Variants in SOS1 observed in about 807,000 individuals in gnomAD.
SOS1 encodes SOS Ras/Rac guanine nucleotide exchange factor 1, also known as son of sevenless homolog 1.
Under a neutral mutation model 157.6 loss-of-function variants are expected in SOS1, and 25 were observed. The observed-to-expected ratio is 0.16, with a 90% CI of 0.12 to 0.22. SOS1 has a LOEUF of 0.22. Ranked by LOEUF, SOS1 falls within the 10% of genes least tolerant of loss-of-function variation. The pLI is 1.00. For missense variants in SOS1, 1,237 were observed against 1,599.1 expected (o/e 0.77, Z 3.86); for synonymous variants, 528 against 534.0 (o/e 0.99, Z 0.16).
chr2:39,090,156 A>C (rs1282524184), intron 1 of SOS1, among the ~76,000 whole-genome samples: 2 of 146,406 alleles, frequency 1.4e-5, no homozygotes, highest in Middle Eastern at 3.2e-3. Flanking sequence ...AAAAAAAAAA[A>C]ACACTCTGTG....
At chr2:39,018,615 T>A (rs1470914) in intron 10 of SOS1, among the ~76,000 whole-genome samples, 1 of 151,542 alleles carries the variant, frequency 6.6e-6, no homozygotes, top group African/African-American at 2.4e-5. Flanking sequence ...AGATTGGAAG[T>A]GATAATCCAA....
intron 1 of SOS1, among the ~76,000 whole-genome samples, chr2:39,105,604 A>T (rs1673140909): frequency 6.6e-6 from 1 of 152,190 alleles, no homozygotes; most frequent in South Asian, 2.1e-4. Flanking sequence ...TGGTAAATAA[A>T]ATCAAACCAG....
chr2:38,987,852 G>T, intron 21 of SOS1: 1 of 398,410 alleles, frequency 2.5e-6, no homozygotes, highest in South Asian at 2.7e-5. Context: ...CATTCCCATG[G>T]TTACTCTATT....
Position 39,003,704 on chromosome 2 carries a change from T to TC in SOS1, c.2791+2707dup, listed in dbSNP as rs535222827. Among the ~76,000 whole-genome samples, 252 of 150,322 alleles carry TC rather than the reference T, an allele frequency of 1.7e-3. 3 individuals carry two copies. The highest frequency in any genetic ancestry group is 5.6e-3 in the African/African-American group (230 of 40,778). ...ATTGTTCCAGTTACATTTGGGGGCA[T>TC]CCCCCCCCACTCAAACTTATAAAGT... On this transcript the variant is annotated intron_variant, in intron 17 of 22. Coordinates refer to ENST00000402219, the MANE Select transcript of SOS1 (RefSeq NM_005633.4).
At chr2:39,095,001 G>C (rs1311828783) in intron 1 of SOS1, among the ~76,000 whole-genome samples, 3 of 152,056 alleles carry the variant, frequency 2.0e-5, no homozygotes, top group African/African-American at 7.2e-5. Context: ...ATAAAAGTAG[G>C]GCCAACCAGG....
chr2:39,059,398 T>A (rs1321528537), intron 2 of SOS1, among the ~76,000 whole-genome samples: 2 of 152,188 alleles, frequency 1.3e-5, no homozygotes, highest in African/African-American at 4.8e-5. Context: ...AATTCTTTAG[T>A]TAAAATTTCC....
Position 39,010,601 on chromosome 2 carries a change from G to A in SOS1, c.2493C>T (p.Leu831=), listed in dbSNP as rs146183382. Residue 831 remains leucine, a synonymous_variant, in exon 15 of 23, where the codon CTC becomes CTT. Coordinates refer to ENST00000402219, the MANE Select transcript of SOS1 (RefSeq NM_005633.4). ...LLKMIRHTTN[L]TLWFEKCIVE... is the part of the protein sequence containing the mutation. ...ATACTTACTTCTCAAACCACAGAGTGAGGTTGGTGGTATGTCGAATCATTT... is the reference window on the plus strand; with the variant it reads ...ATACTTACTTCTCAAACCACAGAGTAAGGTTGGTGGTATGTCGAATCATTT... 6.2e-7 allele frequency: 1 copy of A among 1,610,642 alleles called. No homozygotes were observed. The highest frequency in any genetic ancestry group is 8.5e-7 in the Non-Finnish European group (1 of 1,176,888).
At chr2:39,049,486 ATC>A (rs1157257049) in intron 6 of SOS1, among the ~76,000 whole-genome samples, 1 of 152,144 alleles carries the variant, frequency 6.6e-6, no homozygotes, top group Non-Finnish European at 1.5e-5. Context: ...TCCTTCACTT[ATC>A]TCTTTCAGCA....
chr2:38,996,070 T>C (rs181658712), intron 19 of SOS1, among the ~76,000 whole-genome samples: 162 of 152,306 alleles, frequency 1.1e-3, no homozygotes, highest in African/African-American at 3.7e-3. Context: ...AAGCCATCTA[T>C]GTTTAATTCA....
At chr2:39,083,779 T>C (rs1175155183) in intron 1 of SOS1, among the ~76,000 whole-genome samples, 2 of 152,122 alleles carry the variant, frequency 1.3e-5, no homozygotes, top group African/African-American at 4.8e-5. Context: ...TATTGCATGG[T>C]GGCAAAAAAC....
In SOS1 at chr2:38,985,715, T is replaced by G; in HGVS notation, c.*109A>C. ...TATACTGCATCTTGAAGAAGAGTCG[T>G]TAGTGTTTGGAGTTCTCATTTTAAC... On this transcript the variant is annotated 3_prime_UTR_variant, in exon 23 of 23. Coordinates refer to ENST00000402219, the MANE Select transcript of SOS1 (RefSeq NM_005633.4). The G allele has an allele frequency of 8.5e-7, 1 of 1,182,898 alleles. No individual in the cohort carries two copies. Among genetic ancestry groups the G allele is most frequent in the Non-Finnish European group, 1.3e-6 (1 of 790,056 alleles). The allele number at this position is 1,182,898 out of a possible 1,614,324, so 73.3% of individuals were successfully genotyped here.
intron 20 of SOS1, among the ~76,000 whole-genome samples, chr2:38,990,749 C>T (rs867353584): frequency 1.3e-5 from 2 of 152,122 alleles, no homozygotes; most frequent in African/African-American, 4.8e-5. Context: ...CAGATGTAAA[C>T]TTGGCTTTGA....
At chr2:39,110,430 C>CAT (rs10659819) in intron 1 of SOS1, among the ~76,000 whole-genome samples, 31,296 of 151,718 alleles carry the variant, frequency 0.21, 5,600 homozygotes, top group African/African-American at 0.48. Context: ...TACATACACA[C>CAT]GAATCATGTA....
intron 2 of SOS1, among the ~76,000 whole-genome samples, chr2:39,066,641 T>C (rs1353948598): frequency 6.6e-6 from 1 of 152,212 alleles, no homozygotes; most frequent in Non-Finnish European, 1.5e-5. Context: ...ACTGACTACA[T>C]ATCTCTCTGT....
chr2:39,078,822 G>C (rs960426082), intron 1 of SOS1, among the ~76,000 whole-genome samples: 1 of 152,134 alleles, frequency 6.6e-6, no homozygotes, highest in Admixed American at 6.5e-5. Context: ...AGCACTTTGG[G>C]AGGCTAAGGC....
intron 15 of SOS1, among the ~76,000 whole-genome samples, chr2:39,008,467 A>T (rs1182721228): frequency 1.3e-5 from 2 of 152,330 alleles, no homozygotes; most frequent in African/African-American, 2.4e-5. Flanking sequence ...TTTAAATTTA[A>T]TGGTGCCCTT....
Position 39,021,537 on chromosome 2 carries a change from A to T in SOS1, c.1858+1033T>A, listed in dbSNP as rs796837334. On this transcript the variant is annotated intron_variant, in intron 10 of 22. Transcript: ENST00000402219. The stretch of plus-strand genomic sequence containing the variant: ...CAATGCTCTACAGGAAAAAAAAAAA[A>T]AAAAAAAAAATTAAAACTTCTTTCT... Among the ~76,000 whole-genome samples the T allele has an allele frequency of 4.5e-3, 668 of 148,680 alleles. 6 individuals carry two copies. The highest frequency in any genetic ancestry group is 0.016 in the African/African-American group (644 of 39,064).
chr2:39,003,843 C>T (rs1417367492), intron 17 of SOS1, among the ~76,000 whole-genome samples: 2 of 152,168 alleles, frequency 1.3e-5, no homozygotes, highest in Non-Finnish European at 2.9e-5. Flanking sequence ...TTCTCTGTCT[C>T]AGCACTGCTG....
chr2:39,104,234 A>G (rs925034402), intron 1 of SOS1, among the ~76,000 whole-genome samples: 2 of 152,198 alleles, frequency 1.3e-5, no homozygotes, highest in African/African-American at 4.8e-5. Flanking sequence ...GTGAGCCTAG[A>G]TCACACCATC....
Sources: allele counts gnomAD v4.1 joint callset (sites outside exome capture counted in the v4.1 genomes callset), GRCh38; gene constraint gnomAD v4.1.1; transcripts MANE v1.5; gene names NCBI Gene and HGNC (gene_info 2026-07-23, HGNC 2026-07-21).